UFSP2: variants seen among roughly 807,000 people sequenced by gnomAD.
UFSP2 encodes ufm1-specific protease 2.
A neutral mutation model predicts 60.2 loss-of-function variants in UFSP2; 43 were observed. The ratio of observed to expected loss-of-function variants is 0.71; its 90% CI spans 0.56 to 0.92. The LOEUF is 0.92. UFSP2 is among the 40% of genes least tolerant of loss of function. UFSP2 has a pLI of 0.00. For synonymous variants in UFSP2, 183 were observed against 195.1 expected, an observed-to-expected ratio of 0.94 and a Z score of 0.52; for missense variants, 520 against 575.0, an observed-to-expected ratio of 0.90 and a Z score of 0.98.
Position 185,403,634 on chromosome 4 carries a change from T to C in UFSP2, c.1199-16A>G, listed in dbSNP as rs2126877396. The C allele has an allele frequency of 6.3e-7, 1 of 1,596,282 alleles. No individual in the cohort carries two copies. Among genetic ancestry groups the C allele is most frequent in the Non-Finnish European group, 8.5e-7 (1 of 1,175,558 alleles). On this transcript the variant is annotated splice_polypyrimidine_tract_variant and intron_variant, in intron 10 of 11. Coordinates refer to ENST00000264689, the MANE Select transcript of UFSP2 (RefSeq NM_018359.5). ...ACTCCTCCCCCTATAGAAGAAAAAA[T>C]AGGAAATACGAATGAAGGCATAAAC...
chr4:185,407,206 A>G (rs1215023226), intron 9 of UFSP2, among the ~76,000 whole-genome samples: 1 of 151,328 alleles, frequency 6.6e-6, no homozygotes, highest in African/African-American at 2.4e-5. Context: ...ATGCGCCACC[A>G]TACCCAGCTA....
intron 7 of UFSP2, among the ~76,000 whole-genome samples, chr4:185,411,409 T>C (rs1240755923): frequency 1.3e-5 from 2 of 152,040 alleles, no homozygotes; most frequent in Non-Finnish European, 2.9e-5. Flanking sequence ...ACTAATTTAG[T>C]AAACCAGTAT....
chr4:185,405,690 G>C lies in UFSP2; in HGVS notation c.1198+90C>G, dbSNP rs1479249393. On this transcript the variant is annotated intron_variant, in intron 10 of 11. Transcript: ENST00000264689. ...AAGTTAATTTCAAAATTTTTTAAAT[G>C]ACTGATTTTATGCAACATTAAATAT... 2.1e-6 allele frequency: 3 copies of C among 1,420,828 alleles called. No individual in the cohort carries two copies. The African/African-American group carries it at 4.4e-5, about 21-fold the overall frequency. The allele number at this position is 1,420,828 out of a possible 1,614,324, so 88.0% of individuals were successfully genotyped here.
intron 7 of UFSP2, among the ~76,000 whole-genome samples, chr4:185,409,226 G>C (rs1561111577): frequency 1.3e-5 from 2 of 152,104 alleles, no homozygotes; most frequent in Non-Finnish European, 2.9e-5. Flanking sequence ...TATGATTACA[G>C]CCCAAGTATG....
chr4:185,409,461 A>T (rs1420916385), intron 7 of UFSP2, among the ~76,000 whole-genome samples: 1 of 152,086 alleles, frequency 6.6e-6, no homozygotes, highest in Non-Finnish European at 1.5e-5. Flanking sequence ...AGTAGCTGGG[A>T]TTACAGTTGC....
rs559515297 is a variant in UFSP2, at chr4:185,399,658, T to C, written c.*734A>G. 9.9e-6 allele frequency: 16 copies of C among 1,614,224 alleles called. No homozygotes were observed. The highest frequency in any genetic ancestry group is 1.6e-4 in the Middle Eastern group (1 of 6,062). On this transcript the variant is annotated 3_prime_UTR_variant, in exon 12 of 12. Coordinates refer to ENST00000264689, the MANE Select transcript of UFSP2 (RefSeq NM_018359.5). Reference sequence around the variant, plus strand: ...TGCCAAGTTTCTTACAACAATTAAATGTATGCAGACAATAAAAGCAAGTGA... The same window carrying C: ...TGCCAAGTTTCTTACAACAATTAAACGTATGCAGACAATAAAAGCAAGTGA...
At chr4:185,417,590 A>C (rs928605930) in intron 4 of UFSP2, among the ~76,000 whole-genome samples, 2 of 152,152 alleles carry the variant, frequency 1.3e-5, no homozygotes, top group Non-Finnish European at 2.9e-5. Context: ...CCACCTCTCC[A>C]GCCTTATGTC....
rs1422320134 is a variant in UFSP2, at chr4:185,403,633, A to G, written c.1199-15T>C. ...AACTCCTCCCCCTATAGAAGAAAAA[A>G]TAGGAAATACGAATGAAGGCATAAA... On this transcript the variant is annotated splice_polypyrimidine_tract_variant and intron_variant, in intron 10 of 11. Transcript: ENST00000264689. 11 of 1,597,294 alleles carry G rather than the reference A, an allele frequency of 6.9e-6. No homozygotes were observed. Among genetic ancestry groups the G allele is most frequent in the Non-Finnish European group, 9.4e-6 (11 of 1,175,892 alleles).
At chr4:185,401,822 C>T (rs186758527) in intron 11 of UFSP2, among the ~76,000 whole-genome samples, 59 of 152,310 alleles carry the variant, frequency 3.9e-4, no homozygotes, top group Non-Finnish European at 4.4e-4. Flanking sequence ...TCTAATTGTT[C>T]AGAAACCTTA....
chr4:185,411,052 A>C (rs969564094), intron 7 of UFSP2, among the ~76,000 whole-genome samples: 2 of 151,744 alleles, frequency 1.3e-5, no homozygotes, highest in Non-Finnish European at 2.9e-5. Flanking sequence ...AAAAAAAGAA[A>C]GTAAAGAGCA....
chr4:185,403,438 C>A, intron 11 of UFSP2, 56 bp downstream of exon 11: 1 of 1,589,016 alleles, frequency 6.3e-7, no homozygotes, highest in Admixed American at 1.7e-5. Context: ...AGTTTGTGAT[C>A]CTTCATTTCT....
intron 6 of UFSP2, among the ~76,000 whole-genome samples, chr4:185,414,700 C>T (rs1313685163): frequency 6.6e-6 from 1 of 152,142 alleles, no homozygotes; most frequent in Non-Finnish European, 1.5e-5. Flanking sequence ...CTCCAAAATT[C>T]CTCTAATAAA....
At chr4:185,425,372 G>A (rs190804268) in intron 1 of UFSP2, among the ~76,000 whole-genome samples, 78 of 152,190 alleles carry the variant, frequency 5.1e-4, no homozygotes, top group African/African-American at 1.6e-3. Context: ...CTGGAGCTCA[G>A]AAGAAAGGTC....
intron 1 of UFSP2, among the ~76,000 whole-genome samples, chr4:185,424,288 A>G (rs755103303): frequency 2.6e-5 from 4 of 152,178 alleles, no homozygotes; most frequent in Non-Finnish European, 5.9e-5. Flanking sequence ...CCTAAGCAAC[A>G]GAGCAAGATC....
chr4:185,412,436 A>G (rs997496068), intron 7 of UFSP2, among the ~76,000 whole-genome samples: 1 of 152,036 alleles, frequency 6.6e-6, no homozygotes, highest in African/African-American at 2.4e-5. Context: ...TCGTATATGC[A>G]TTTTTTTAAT....
Position 185,403,808 on chromosome 4 carries a change from A to G in UFSP2, c.1199-190T>C, listed in dbSNP as rs879092417. 5.9e-5 allele frequency among the ~76,000 whole-genome samples: 9 copies of G among 151,988 alleles called. No homozygotes were observed. The South Asian group carries it at 1.9e-3, about 32-fold the overall frequency. On this transcript the variant is annotated intron_variant, in intron 10 of 11. Coordinates refer to ENST00000264689, the MANE Select transcript of UFSP2 (RefSeq NM_018359.5). ...GCTAATGCAGTGAAACCCTGTCTCT[A>G]CTAAAAAAATACAAAAAAAATAGCT...
intron 6 of UFSP2, among the ~76,000 whole-genome samples, chr4:185,414,589 G>A (rs1423746883): frequency 4.6e-5 from 7 of 152,036 alleles, no homozygotes; most frequent in South Asian, 2.1e-4. Flanking sequence ...GATGCTCCAC[G>A]GTCTAATTTG....
chr4:185,413,596 C>T (rs2095533313), intron 7 of UFSP2, 130 bp downstream of exon 7: 1 of 928,384 alleles, frequency 1.1e-6, no homozygotes, highest in African/African-American at 1.7e-5. Flanking sequence ...TGTCTGTTAA[C>T]AGAGATGGGT....
chr4:185,406,561 GTC>G (rs1366209889), intron 9 of UFSP2, among the ~76,000 whole-genome samples: 3 of 152,074 alleles, frequency 2.0e-5, no homozygotes, highest in Non-Finnish European at 4.4e-5. Flanking sequence ...CACTACTTAA[GTC>G]TGTCATTGTT....
Sources: allele counts gnomAD v4.1 joint callset (sites outside exome capture counted in the v4.1 genomes callset), GRCh38; gene constraint gnomAD v4.1.1; transcripts MANE v1.5; gene names NCBI Gene and HGNC (gene_info 2026-07-23, HGNC 2026-07-21).